Variants in EXOC6B observed in about 807,000 individuals in gnomAD.
EXOC6B encodes the protein exocyst complex component 6B, also known as SEC15 homolog B.
A neutral mutation model predicts 113.5 loss-of-function variants in EXOC6B; 54 were observed. That is an observed-to-expected ratio of 0.48 (90% confidence interval 0.38 to 0.60). The LOEUF is 0.60. EXOC6B is among the 20% of genes least tolerant of loss of function. The pLI, the probability that EXOC6B is intolerant of heterozygous loss-of-function variation, is 0.00. For missense variants in EXOC6B, 797 were observed against 977.5 expected (o/e 0.82, Z 2.46); for synonymous variants, 357 against 339.0 (o/e 1.05, Z -0.58).
At position 72,716,932 on chromosome 2, in the gene EXOC6B, T is replaced by G. The variant is rs531232071; in HGVS notation, c.669+1171A>C. On this transcript the variant is annotated intron_variant, in intron 6 of 21. Transcript: ENST00000272427. ...TATATTTTAAAAGCTTAGGAAAAAC[T>G]GAACCAATCACAATAAAGACTTATC... Among the ~76,000 whole-genome samples, 4 of 152,312 alleles carry G rather than the reference T, an allele frequency of 2.6e-5. No homozygotes were observed. In the South Asian group the frequency reaches 8.3e-4, roughly 32 times the overall value.
chr2:72,270,967 T>C (rs1684446860), intron 20 of EXOC6B, among the ~76,000 whole-genome samples: 1 of 152,146 alleles, frequency 6.6e-6, no homozygotes, highest in African/African-American at 2.4e-5. Flanking sequence ...ACAGAATAGT[T>C]TGGAAGGAAG....
intron 18 of EXOC6B, among the ~76,000 whole-genome samples, chr2:72,432,356 T>C (rs1438382324): frequency 1.3e-5 from 2 of 152,240 alleles, no homozygotes; most frequent in Non-Finnish European, 2.9e-5. Flanking sequence ...TCCAAGTCTT[T>C]GCTATTGTGA....
intron 1 of EXOC6B, among the ~76,000 whole-genome samples, chr2:72,824,926 T>C (rs1039389593): frequency 1.2e-4 from 18 of 152,192 alleles, no homozygotes; most frequent in Non-Finnish European, 2.6e-4. Context: ...ATTTTCTCTG[T>C]GACCTTGGGC....
intron 8 of EXOC6B, among the ~76,000 whole-genome samples, chr2:72,547,325 C>T (rs1266627854): frequency 6.6e-6 from 1 of 152,112 alleles, no homozygotes; most frequent in Non-Finnish European, 1.5e-5. Flanking sequence ...ATTTTAATTG[C>T]TATCGCTGGA....
chr2:72,506,366 G>T (rs1700594426), intron 11 of EXOC6B, among the ~76,000 whole-genome samples: 1 of 152,044 alleles, frequency 6.6e-6, no homozygotes, highest in Non-Finnish European at 1.5e-5. Flanking sequence ...GAAAGGAATA[G>T]CCCTTTCCAG....
At chr2:72,428,847 G>A (rs931729390) in intron 18 of EXOC6B, among the ~76,000 whole-genome samples, 5 of 152,120 alleles carry the variant, frequency 3.3e-5, no homozygotes, top group African/African-American at 4.8e-5. Flanking sequence ...GGCTCTTTTC[G>A]TCCTTTTCAG....
At chr2:72,539,792 T>C (rs777555100) in intron 8 of EXOC6B, among the ~76,000 whole-genome samples, 2 of 152,112 alleles carry the variant, frequency 1.3e-5, no homozygotes, top group Non-Finnish European at 2.9e-5. Flanking sequence ...TATGACTAAA[T>C]ATAATTTTTT....
At chr2:72,823,461 A>C (rs1395680231) in intron 1 of EXOC6B, among the ~76,000 whole-genome samples, 16 of 121,446 alleles carry the variant, frequency 1.3e-4, no homozygotes, top group Admixed American at 3.2e-4. Flanking sequence ...AGTTTTAAGA[A>C]AAAAAAAAAA....
chr2:72,733,927 T>C (rs1322818445), intron 2 of EXOC6B, among the ~76,000 whole-genome samples: 1 of 152,234 alleles, frequency 6.6e-6, no homozygotes, highest in African/African-American at 2.4e-5. Flanking sequence ...TTTCCTATTA[T>C]GTCCCTTAGG....
chr2:72,550,914 TTTTTA>T (rs1703179640), intron 8 of EXOC6B, among the ~76,000 whole-genome samples: 2 of 149,084 alleles, frequency 1.3e-5, no homozygotes, highest in African/African-American at 5.1e-5. Context: ...ATTTATTTTT[TTTTTA>T]TTTTTTTTTT....
intron 18 of EXOC6B, chr2:72,464,537 T>C (rs1006282551): frequency 5.3e-5 from 8 of 152,326 alleles, no homozygotes; most frequent in South Asian, 2.1e-4. Context: ...ACATGAACCT[T>C]TTCTGGTGGA....
intron 17 of EXOC6B, among the ~76,000 whole-genome samples, chr2:72,472,722 T>C (rs1300491147): frequency 6.6e-6 from 1 of 152,124 alleles, no homozygotes; most frequent in African/African-American, 2.4e-5. Flanking sequence ...CCTTCTGATA[T>C]TGTGGATTTG....
intron 2 of EXOC6B, among the ~76,000 whole-genome samples, chr2:72,740,819 T>C (rs192118335): frequency 2.3e-3 from 355 of 152,286 alleles, no homozygotes; most frequent in African/African-American, 7.0e-3. Flanking sequence ...AAGGGTAATC[T>C]TGGCTGGGCG....
chr2:72,258,841 A>G (rs1334925309), intron 20 of EXOC6B, among the ~76,000 whole-genome samples: 1 of 152,160 alleles, frequency 6.6e-6, no homozygotes, highest in Non-Finnish European at 1.5e-5. Flanking sequence ...GCTAACATTA[A>G]TTTCAAAATT....
At chr2:72,572,237 A>C (rs995564044) in intron 7 of EXOC6B, among the ~76,000 whole-genome samples, 2 of 152,178 alleles carry the variant, frequency 1.3e-5, no homozygotes, top group Non-Finnish European at 2.9e-5. Flanking sequence ...TGTAACTCCA[A>C]GTGTGCTCCA....
intron 20 of EXOC6B, among the ~76,000 whole-genome samples, chr2:72,231,998 AC>A (rs1003433251): frequency 6.6e-6 from 1 of 151,984 alleles, no homozygotes; most frequent in Admixed American, 6.6e-5. Flanking sequence ...TTTTTTTGAG[AC>A]AGTCTGGCTC....
At position 72,825,907 on chromosome 2, in the gene EXOC6B, C is replaced by G; in HGVS notation, c.4G>C (p.Glu2Gln). ...TCCGCCTCCGCCATCTTACCCCGCT[C>G]CATAGACTGGGGGCGCCCCGCAGCG... Reference protein sequence around the residue: MERGKMAEAESL... With the variant: MQRGKMAEAESL... The change falls in exon 1 of 22, where the codon GAG becomes CAG. Residue 2 changes from glutamate to glutamine, a missense_variant. Transcript: ENST00000272427. The surrounding 1 kb of genome is among the most constrained non-coding windows in gnomAD (Gnocchi z 4.4). The G allele has an allele frequency of 1.2e-6, 2 of 1,612,688 alleles. No homozygotes were observed. Among genetic ancestry groups the G allele is most frequent in the South Asian group, 1.1e-5 (1 of 91,070 alleles).
intron 20 of EXOC6B, among the ~76,000 whole-genome samples, chr2:72,224,994 G>GTGTGTGTGTATATATATATATATATATA (rs908047817): frequency 6.9e-4 from 95 of 137,312 alleles, no homozygotes; most frequent in Middle Eastern, 3.8e-3. Flanking sequence ...GTGTGTGTGT[G>GTGTGTGTGTATATATATATATATATATA]TATATATATA....
intron 7 of EXOC6B, among the ~76,000 whole-genome samples, chr2:72,560,952 T>C (rs1456122758): frequency 6.6e-6 from 1 of 151,868 alleles, no homozygotes; most frequent in East Asian, 1.9e-4. Context: ...AAATAGCATA[T>C]AAAAATTGTA....
Sources: gnomAD v4.1 joint callset for allele counts (sites outside exome capture counted in the v4.1 genomes callset) on GRCh38, gnomAD v4.1.1 for gene constraint, Gnocchi (gnomAD v3.1) non-coding constraint, MANE v1.5 for transcripts, NCBI Gene and HGNC (gene_info 2026-07-23, HGNC 2026-07-21) for gene names.